Variants in SPRR2B observed in about 807,000 individuals in gnomAD.
SPRR2B encodes small proline-rich protein 2B.
In SPRR2B, 1 loss-of-function variant was observed where a neutral mutation model predicts 1.0. The observed-to-expected ratio is 1.01, with a 90% CI of 0.36 to 4.77. SPRR2B has a LOEUF of 4.77. Among genes scored for constraint, SPRR2B ranks in the 30% most tolerant of loss-of-function variants. The probability of loss-of-function intolerance (pLI) is 0.16; values close to 1 mark genes in which losing one functional copy is unlikely to be tolerated. For missense variants in SPRR2B, 53 were observed against 88.7 expected (o/e 0.60, Z 1.62); for synonymous variants, 27 against 33.4 (o/e 0.81, Z 0.66).
chr1:153,071,997 G>A (rs969525609), upstream of SPRR2B, among the ~76,000 whole-genome samples: 1 of 152,150 alleles, frequency 6.6e-6, no homozygotes, highest in Non-Finnish European at 1.5e-5. Flanking sequence ...ATTTGCCAGT[G>A]TGCTAGAAGG....
the SPRR2B span, among the ~76,000 whole-genome samples, chr1:153,083,561 C>G: frequency 6.6e-6 from 1 of 152,134 alleles, no homozygotes; most frequent in Admixed American, 6.6e-5. Context: ...AGGGAAGGCA[C>G]TGAGAGTGAA....
At chr1:153,081,122 T>A in the SPRR2B span, among the ~76,000 whole-genome samples, 5 of 152,170 alleles carry the variant, frequency 3.3e-5, no homozygotes, top group Non-Finnish European at 4.4e-5. Context: ...TTCAATGAAT[T>A]CAAGACACCT....
chr1:153,075,450 A>C (rs1342876233), upstream of SPRR2B, among the ~76,000 whole-genome samples: 1 of 152,200 alleles, frequency 6.6e-6, no homozygotes, highest in Non-Finnish European at 1.5e-5. Context: ...TTTGTCTACT[A>C]TCTAAGAGCC....
upstream of SPRR2B, among the ~76,000 whole-genome samples, chr1:153,073,184 A>G (rs1654707073): frequency 6.6e-6 from 1 of 152,170 alleles, no homozygotes; most frequent in African/African-American, 2.4e-5. Flanking sequence ...ACACTACAGA[A>G]ATAGAACTAT....
the SPRR2B span, among the ~76,000 whole-genome samples, chr1:153,081,544 C>T: frequency 6.6e-6 from 1 of 152,064 alleles, no homozygotes; most frequent in Non-Finnish European, 1.5e-5. Flanking sequence ...TGAGAAACAA[C>T]AAAGAGAGAC....
chr1:153,080,994 T>C, the SPRR2B span, among the ~76,000 whole-genome samples: 2 of 152,230 alleles, frequency 1.3e-5, no homozygotes, highest in East Asian at 1.9e-4. Context: ...AAAGACATGG[T>C]TGAATTTGAA....
At chr1:153,072,252 C>G (rs1022826754), upstream of SPRR2B, among the ~76,000 whole-genome samples, 55 of 152,172 alleles carry the variant, frequency 3.6e-4, no homozygotes, top group African/African-American at 1.1e-3. Context: ...GTCTTACACA[C>G]CTCTTATAGA....
At chr1:153,081,249 C>T in the SPRR2B span, among the ~76,000 whole-genome samples, 5 of 151,978 alleles carry the variant, frequency 3.3e-5, no homozygotes, top group African/African-American at 7.3e-5. Flanking sequence ...TGACACCCAG[C>T]GTGACACAAA....
At chr1:153,081,644 A>G in the SPRR2B span, among the ~76,000 whole-genome samples, 34 of 152,240 alleles carry the variant, frequency 2.2e-4, no homozygotes, top group Non-Finnish European at 4.4e-5. Context: ...AAAAGCCAGC[A>G]TTATTGAAAT....
Position 153,070,532 on chromosome 1 carries a change from A to C in SPRR2B, c.*89T>G. On this transcript the variant is annotated 3_prime_UTR_variant, in exon 2 of 2. Transcript: ENST00000368755. ...AGAAGCTCCCTATGAATCCATGATAAGCTTTGATGAGAAGATGAAGGTGGA... is the reference window on the plus strand; with the variant it reads ...AGAAGCTCCCTATGAATCCATGATACGCTTTGATGAGAAGATGAAGGTGGA... 6.5e-7 allele frequency: 1 copy of C among 1,547,492 alleles called. No homozygotes were observed. Among genetic ancestry groups the C allele is most frequent in the Non-Finnish European group, 8.7e-7 (1 of 1,145,960 alleles).
At chr1:153,075,068 G>T (rs184984582), upstream of SPRR2B, among the ~76,000 whole-genome samples, 96 of 152,212 alleles carry the variant, frequency 6.3e-4, no homozygotes, top group African/African-American at 2.3e-3. Context: ...TCACCAGGCC[G>T]GGAACGGTGG....
the SPRR2B span, among the ~76,000 whole-genome samples, chr1:153,083,142 C>G: frequency 6.6e-6 from 1 of 151,956 alleles, no homozygotes; most frequent in African/African-American, 2.4e-5. Flanking sequence ...TCTACCAACT[C>G]GTGAAGAAAT....
the SPRR2B span, among the ~76,000 whole-genome samples, chr1:153,079,145 G>A: frequency 1.3e-5 from 2 of 152,116 alleles, no homozygotes; most frequent in Non-Finnish European, 2.9e-5. Flanking sequence ...GTGTCTTTTG[G>A]CTGCATAAAT....
the SPRR2B span, among the ~76,000 whole-genome samples, chr1:153,083,304 G>C: frequency 6.6e-6 from 1 of 152,108 alleles, no homozygotes; most frequent in Non-Finnish European, 1.5e-5. Flanking sequence ...TGAAAATAGG[G>C]ACTACTTCCT....
At chr1:153,086,708 A>G in the SPRR2B span, among the ~76,000 whole-genome samples, 1 of 152,202 alleles carries the variant, frequency 6.6e-6, no homozygotes, top group South Asian at 2.1e-4. Context: ...CACTACCAAA[A>G]CTTAGCACTG....
the SPRR2B span, among the ~76,000 whole-genome samples, chr1:153,082,032 G>A: frequency 6.6e-6 from 1 of 152,044 alleles, no homozygotes; most frequent in Non-Finnish European, 1.5e-5. Flanking sequence ...ATTTCGCCAT[G>A]TTGGGCAGGC....
upstream of SPRR2B, among the ~76,000 whole-genome samples, chr1:153,075,695 T>C (rs1322850024): frequency 1.3e-5 from 2 of 152,188 alleles, no homozygotes; most frequent in African/African-American, 4.8e-5. Flanking sequence ...GGGCAAAATA[T>C]TGAAGTCAAG....
chr1:153,084,688 C>A, the SPRR2B span, among the ~76,000 whole-genome samples: 79 of 152,218 alleles, frequency 5.2e-4, no homozygotes, highest in African/African-American at 1.8e-3. Context: ...TAGTATGCAC[C>A]CTGCCATGCT....
the SPRR2B span, among the ~76,000 whole-genome samples, chr1:153,077,749 G>C: frequency 6.6e-6 from 1 of 151,972 alleles, no homozygotes; most frequent in Non-Finnish European, 1.5e-5. Flanking sequence ...CTTAGTAGTA[G>C]AAGTACAGGC....
Sources: gnomAD v4.1 joint callset for allele counts (sites outside exome capture counted in the v4.1 genomes callset) on GRCh38, gnomAD v4.1.1 for gene constraint, MANE v1.5 for transcripts, NCBI Gene and HGNC (gene_info 2026-07-23, HGNC 2026-07-21) for gene names.